The following ARB2A variants were observed in gnomAD, a reference collection of about 807,000 sequenced individuals.
The protein encoded by ARB2A is ARB2 cotranscriptional regulator A.
the ARB2A span, among the ~76,000 whole-genome samples, chr5:93,827,353 T>C: frequency 2.0e-5 from 3 of 152,252 alleles, no homozygotes; most frequent in Admixed American, 6.5e-5. Flanking sequence ...CCAGTGATGA[T>C]GAGCATTTTT....
chr5:94,103,795 C>CAA, the ARB2A span, among the ~76,000 whole-genome samples: 8 of 113,336 alleles, frequency 7.1e-5, no homozygotes, highest in Non-Finnish European at 1.1e-4. Flanking sequence ...TCAACAGATT[C>CAA]AAAAAAAAAA....
At chr5:93,686,778 TCAGCCCTCAACA>T in the ARB2A span, among the ~76,000 whole-genome samples, 1 of 151,992 alleles carries the variant, frequency 6.6e-6, no homozygotes, top group Non-Finnish European at 1.5e-5. Flanking sequence ...CAACCACAAC[TCAGCCCTCAACA>T]TTGTTCAGCC....
At chr5:93,641,628 A>G in the ARB2A span, among the ~76,000 whole-genome samples, 2 of 152,216 alleles carry the variant, frequency 1.3e-5, no homozygotes, top group Admixed American at 6.5e-5. Context: ...AGTATCAAGA[A>G]AAAGTTACTT....
At chr5:93,710,970 G>A in the ARB2A span, among the ~76,000 whole-genome samples, 3 of 152,320 alleles carry the variant, frequency 2.0e-5, no homozygotes, top group South Asian at 6.2e-4. Context: ...GTCACACACT[G>A]AGAGTGTATA....
chr5:93,695,342 G>GA, the ARB2A span, among the ~76,000 whole-genome samples: 5,228 of 151,976 alleles, frequency 0.034, 141 homozygotes, highest in East Asian at 0.13. Flanking sequence ...AAATTTACAA[G>GA]AAAAAAACCA....
At chr5:93,791,808 T>A in the ARB2A span, among the ~76,000 whole-genome samples, 378 of 152,280 alleles carry the variant, frequency 2.5e-3, 1 homozygote, top group African/African-American at 8.7e-3. Flanking sequence ...AGTTATGATT[T>A]ATTATTGCAG....
the ARB2A span, among the ~76,000 whole-genome samples, chr5:93,668,993 C>T: frequency 1.5e-4 from 23 of 152,232 alleles, no homozygotes; most frequent in Middle Eastern, 0.01. Flanking sequence ...ACCTGTGATC[C>T]CCAAATGTCT....
the ARB2A span, among the ~76,000 whole-genome samples, chr5:94,001,748 T>C: frequency 6.6e-6 from 1 of 152,126 alleles, no homozygotes; most frequent in Non-Finnish European, 1.5e-5. Flanking sequence ...CCACAACATA[T>C]TAATCATGGT....
At chr5:93,881,970 T>A in the ARB2A span, among the ~76,000 whole-genome samples, 1 of 151,290 alleles carries the variant, frequency 6.6e-6, no homozygotes, top group Non-Finnish European at 1.5e-5. Flanking sequence ...AATTCAGATA[T>A]CTCAGAACCC....
the ARB2A span, among the ~76,000 whole-genome samples, chr5:93,951,628 A>C: frequency 2.7e-3 from 414 of 152,244 alleles, 6 homozygotes; most frequent in East Asian, 0.04. Context: ...AAATAAGTTC[A>C]CTGTAGATGT....
chr5:93,818,273 T>A, the ARB2A span, among the ~76,000 whole-genome samples: 1 of 152,106 alleles, frequency 6.6e-6, no homozygotes, highest in Non-Finnish European at 1.5e-5. Context: ...AAATGGGTAA[T>A]GGGTATGGAA....
the ARB2A span, among the ~76,000 whole-genome samples, chr5:93,966,657 A>G: frequency 6.6e-6 from 1 of 152,030 alleles, no homozygotes; most frequent in Admixed American, 6.6e-5. Context: ...CTTATAGGCA[A>G]TTCTCCGTGT....
At chr5:93,910,408 T>G in the ARB2A span, among the ~76,000 whole-genome samples, 2 of 151,192 alleles carry the variant, frequency 1.3e-5, no homozygotes, top group Admixed American at 1.3e-4. Context: ...TACAGTATGA[T>G]TCTAAAAATG....
chr5:93,687,146 A>C, the ARB2A span, among the ~76,000 whole-genome samples: 3 of 152,226 alleles, frequency 2.0e-5, no homozygotes, highest in Non-Finnish European at 4.4e-5. Context: ...ATTGACAAGA[A>C]AGACCTGGTA....
the ARB2A span, among the ~76,000 whole-genome samples, chr5:93,635,459 GTTT>G: frequency 7.8e-6 from 1 of 128,900 alleles, no homozygotes. Context: ...TTATACGAAA[GTTT>G]TTTTTTTTTT....
chr5:93,675,915 C>T, the ARB2A span, among the ~76,000 whole-genome samples: 4 of 152,206 alleles, frequency 2.6e-5, no homozygotes, highest in Non-Finnish European at 5.9e-5. Flanking sequence ...CATTGCCCAT[C>T]TGCAAGCCAT....
the ARB2A span, among the ~76,000 whole-genome samples, chr5:93,892,353 T>G: frequency 6.6e-6 from 1 of 152,166 alleles, no homozygotes; most frequent in Admixed American, 6.5e-5. Flanking sequence ...AAGCCCTATA[T>G]GAGATGCAGA....
At chr5:93,742,697 T>G in the ARB2A span, among the ~76,000 whole-genome samples, 2 of 152,226 alleles carry the variant, frequency 1.3e-5, no homozygotes, top group African/African-American at 4.8e-5. Context: ...TCAGTGATTT[T>G]TCAGCTGTCA....
chr5:94,024,736 G>A, the ARB2A span, among the ~76,000 whole-genome samples: 3 of 152,164 alleles, frequency 2.0e-5, no homozygotes, highest in East Asian at 5.8e-4. Context: ...TTTCTTAGAG[G>A]TTGATCTAAG....
Sources: gnomAD v4.1 joint callset for allele counts (sites outside exome capture counted in the v4.1 genomes callset) on GRCh38, gnomAD v4.1.1 for gene constraint, MANE v1.5 for transcripts, NCBI Gene and HGNC (gene_info 2026-07-23, HGNC 2026-07-21) for gene names.